The following MPHOSPH10 variants were observed in gnomAD, a reference collection of about 807,000 sequenced individuals.
MPHOSPH10 encodes M-phase phosphoprotein 10.
In MPHOSPH10, 33 loss-of-function variants were observed where a neutral mutation model predicts 77.3. That is an observed-to-expected ratio of 0.43 (90% CI 0.32 to 0.57). The LOEUF (loss-of-function observed/expected upper bound fraction) is 0.57, where lower values mean the gene tolerates loss of function less well. MPHOSPH10 is among the 20% of genes least tolerant of loss of function. The pLI, the probability that MPHOSPH10 is intolerant of heterozygous loss-of-function variation, is 0.07. For missense variants in MPHOSPH10, 708 were observed against 780.1 expected (o/e 0.91, Z 1.10); for synonymous variants, 245 against 268.0 (o/e 0.91, Z 0.84).
chr2:71,141,213 CCT>C lies in MPHOSPH10; in HGVS notation c.1309-18_1309-17del. 1 of 1,391,790 alleles carries C rather than the reference CCT, an allele frequency of 7.2e-7. No individual in the cohort carries two copies. Among genetic ancestry groups the C allele is most frequent in the Non-Finnish European group, 9.4e-7 (1 of 1,066,936 alleles). 86.2% of individuals were successfully genotyped at this position (1,391,790 alleles called of 1,614,324 possible). On this transcript the variant is annotated splice_polypyrimidine_tract_variant and intron_variant, in intron 6 of 10. Coordinates refer to ENST00000244230, the MANE Select transcript of MPHOSPH10 (RefSeq NM_005791.3). ...AAATTGTAGGTTTTGTTATGTTCTA[CCT>C]GCACTTTATGTTTCAGGCTTGGGAT...
intron 4 of MPHOSPH10, among the ~76,000 whole-genome samples, chr2:71,135,994 T>G (rs556793880): frequency 4.2e-4 from 64 of 152,204 alleles, no homozygotes; most frequent in Non-Finnish European, 6.5e-4. Context: ...CGTGAGCCAC[T>G]GCGCCCAGCG....
chr2:71,136,952 AC>A (rs1673507614), intron 4 of MPHOSPH10, among the ~76,000 whole-genome samples: 2 of 148,598 alleles, frequency 1.3e-5, no homozygotes, highest in African/African-American at 5.0e-5. Context: ...ACACACACAC[AC>A]ACACACAGAG....
Position 71,132,899 on chromosome 2 carries a change from A to C in MPHOSPH10, c.91A>C (p.Ile31Leu), listed in dbSNP as rs774637565. 2 of 1,602,280 alleles carry C rather than the reference A, an allele frequency of 1.2e-6. No homozygotes were observed. Among genetic ancestry groups the C allele is most frequent in the Non-Finnish European group, 1.7e-6 (2 of 1,171,862 alleles). ...ATGRPECFLTIQEGLASKFTS... is the reference protein window; with the variant it reads ...ATGRPECFLTLQEGLASKFTS... ...ATCTCACTTAATTCCTCCCAATAGG[A>C]TTCAAGAGGGATTGGCATCAAAGTT... is the stretch of plus-strand genomic sequence containing the variant. Residue 31 changes from isoleucine (I) to leucine (L), a missense_variant and splice_region_variant, in exon 2 of 11, where the codon ATT (isoleucine) becomes CTT (leucine). This residue lies in a region of MPHOSPH10 where 433 missense variants were observed against 432.6 expected (regional missense o/e 1.00). Transcript: ENST00000244230.
At chr2:71,142,743 A>G (rs1673634908) in intron 7 of MPHOSPH10, among the ~76,000 whole-genome samples, 1 of 152,236 alleles carries the variant, frequency 6.6e-6, no homozygotes, top group African/African-American at 2.4e-5. Context: ...AATAGTAAGC[A>G]GTAGTAGCGT....
intron 10 of MPHOSPH10, 70 bp downstream of exon 10, chr2:71,149,523 A>G (rs1399210409): frequency 4.2e-6 from 6 of 1,429,616 alleles, no homozygotes; most frequent in Non-Finnish European, 5.8e-6. Flanking sequence ...GTGCTGGGTG[A>G]CTGGAATGTC....
chr2:71,136,913 AACACACACACACACACACACACAC>A lies in MPHOSPH10; in HGVS notation c.1099-1553_1099-1530del, dbSNP rs56768441. On this transcript the variant is annotated intron_variant, in intron 4 of 10. Transcript: ENST00000244230. ...CCAAACCTGACAGAGGTAGCATTAA[AACACACACACACACACACACACAC>A]ACACACACACACACACACACACAGA... 1.0e-3 allele frequency among the ~76,000 whole-genome samples: 119 copies of A among 119,080 alleles called. 1 individual carries two copies. The East Asian group carries it at 0.026, about 26-fold the overall frequency. The allele number at this position is 119,080 out of a possible 152,430, so 78.1% of individuals were successfully genotyped here.
chr2:71,149,037 A>G, intron 9 of MPHOSPH10, 186 bp from the exon 10 acceptor site: 1 of 619,776 alleles, frequency 1.6e-6, no homozygotes. Context: ...CAAAGAATGC[A>G]TTTCAGGTTT....
intron 7 of MPHOSPH10, chr2:71,144,222 C>T (rs1204022951): frequency 2.1e-6 from 1 of 478,520 alleles, no homozygotes; most frequent in African/African-American, 2.0e-5. Context: ...GTAATGGTTA[C>T]TGTAGCTCCT....
intron 4 of MPHOSPH10, among the ~76,000 whole-genome samples, chr2:71,135,886 G>T (rs551807732): frequency 6.6e-6 from 1 of 151,730 alleles, no homozygotes; most frequent in Non-Finnish European, 1.5e-5. Context: ...TGTATTTTTA[G>T]TAGAGACGGG....
At chr2:71,148,890 C>T in intron 9 of MPHOSPH10, 1 of 308,960 alleles carries the variant, frequency 3.2e-6, no homozygotes, top group Non-Finnish European at 6.0e-6. Context: ...CTGGCATGTC[C>T]CTGAAGCCCA....
chr2:71,145,346 C>T (rs1472488996), intron 8 of MPHOSPH10, among the ~76,000 whole-genome samples: 2 of 152,226 alleles, frequency 1.3e-5, no homozygotes, highest in African/African-American at 4.8e-5. Flanking sequence ...CTGCTCCTAA[C>T]TAGCTTTATG....
chr2:71,149,146 C>A, intron 9 of MPHOSPH10, 77 bp from the exon 10 acceptor site: 1 of 1,330,748 alleles, frequency 7.5e-7, no homozygotes, highest in Non-Finnish European at 1.0e-6. Flanking sequence ...TGCTGGCTAC[C>A]CTGCAGTTTC....
intron 9 of MPHOSPH10, 184 bp from the exon 10 acceptor site, chr2:71,149,039 T>C (rs2103683949): frequency 1.6e-6 from 1 of 620,798 alleles, no homozygotes; most frequent in Non-Finnish European, 2.9e-6. Flanking sequence ...AAGAATGCAT[T>C]TCAGGTTTTA....
In MPHOSPH10 at chr2:71,138,637, G is replaced by A; in HGVS notation, c.1240+6G>A. Reference sequence around the variant, plus strand: ...TGACCATGCTGTCCGGATGGGTATGGTGCCCTCTTCTGTAGTTTTCATGTC... The same window carrying A: ...TGACCATGCTGTCCGGATGGGTATGATGCCCTCTTCTGTAGTTTTCATGTC... On this transcript the variant is annotated splice_donor_region_variant and intron_variant, in intron 5 of 10. Coordinates refer to ENST00000244230, the MANE Select transcript of MPHOSPH10 (RefSeq NM_005791.3). 6.2e-7 allele frequency: 1 copy of A among 1,614,100 alleles called. No homozygotes were observed. Among genetic ancestry groups the A allele is most frequent in the South Asian group, 1.1e-5 (1 of 91,068 alleles).
intron 9 of MPHOSPH10, 195 bp from the exon 10 acceptor site, chr2:71,149,028 A>G: frequency 1.6e-6 from 1 of 611,868 alleles, no homozygotes; most frequent in Admixed American, 3.0e-5. Context: ...TGTGCCTGTC[A>G]AAGAATGCAT....
Position 71,133,184 on chromosome 2 carries a change from G to A in MPHOSPH10, c.376G>A (p.Asp126Asn). 1.2e-6 allele frequency: 2 copies of A among 1,614,166 alleles called. No homozygotes were observed. Among genetic ancestry groups the A allele is most frequent in the Non-Finnish European group, 1.7e-6 (2 of 1,180,022 alleles). Reference sequence around the variant, plus strand: ...GGATGGTTCAGAGATAGAGGCTGATGACAAGGAGGACCTAGAAGATTTAGA... The same window carrying A: ...GGATGGTTCAGAGATAGAGGCTGATAACAAGGAGGACCTAGAAGATTTAGA... ...EEDGSEIEAD[D>N]KEDLEDLEEE... is the part of the protein sequence containing the mutation. Residue 126 changes from aspartate to asparagine, a missense_variant, in exon 2 of 11, where the codon GAC becomes AAC. Around this residue, in one of 3 missense-constraint regions of MPHOSPH10, gnomAD observed 433 missense variants for 432.6 expected, o/e 1.00. Transcript: ENST00000244230.
chr2:71,136,632 G>C (rs1673496389), intron 4 of MPHOSPH10, among the ~76,000 whole-genome samples: 1 of 151,900 alleles, frequency 6.6e-6, no homozygotes, highest in Admixed American at 6.6e-5. Context: ...ATTGTCCCCA[G>C]AAGATAGAGA....
chr2:71,143,707 C>A (rs917393388), intron 7 of MPHOSPH10, among the ~76,000 whole-genome samples: 2 of 152,170 alleles, frequency 1.3e-5, no homozygotes, highest in African/African-American at 4.8e-5. Context: ...TAAATGGAAC[C>A]ATACCATATG....
At chr2:71,144,559 G>C in intron 8 of MPHOSPH10, 21 bp downstream of exon 8, 1 of 1,556,064 alleles carries the variant, frequency 6.4e-7, no homozygotes, top group Non-Finnish European at 8.9e-7. Flanking sequence ...TAACAGTTCA[G>C]TGTGTAGCTA....
Sources: allele counts gnomAD v4.1 joint callset (sites outside exome capture counted in the v4.1 genomes callset), GRCh38; gene constraint gnomAD v4.1.1; regional missense constraint gnomAD v4.1.1; transcripts MANE v1.5; gene names NCBI Gene and HGNC (gene_info 2026-07-23, HGNC 2026-07-21).